Variants in HECW1 observed in about 807,000 individuals in gnomAD.
The protein encoded by HECW1 is E3 ubiquitin-protein ligase HECW1.
In HECW1, 61 loss-of-function variants were observed where a neutral mutation model predicts 182.3. The ratio of observed to expected loss-of-function variants is 0.33; its 90% CI spans 0.27 to 0.41. The LOEUF is 0.41. HECW1 is among the 10% of genes least tolerant of loss of function. The probability of loss-of-function intolerance (pLI) is 1.00; values close to 1 mark genes in which losing one functional copy is unlikely to be tolerated. For synonymous variants in HECW1, 859 were observed against 832.6 expected (o/e 1.03, Z -0.55); for missense variants, 1,739 against 2,108.9 (o/e 0.82, Z 3.44).
In HECW1 at chr7:43,463,789, G is replaced by A. The variant is rs2077668202; in HGVS notation, c.2781G>A (p.Gln927=). 1 of 1,613,946 alleles carries A rather than the reference G, an allele frequency of 6.2e-7. No homozygotes were observed. The highest frequency in any genetic ancestry group is 8.5e-7 in the Non-Finnish European group (1 of 1,179,982). ...GGSDSEAESS[Q]SSLDLRREGS... ...GTGACTCAGAAGCCGAATCTTCCCAGTCCAGCTTAGGTATTGGAGGAGGGG... is the reference window on the plus strand; with the variant it reads ...GTGACTCAGAAGCCGAATCTTCCCAATCCAGCTTAGGTATTGGAGGAGGGG... The change falls in exon 14 of 30, where the codon CAG becomes CAA. Residue 927 remains glutamine (Q), a synonymous_variant. Transcript: ENST00000395891.
At chr7:43,391,792 G>A (rs1359323045) in intron 6 of HECW1, among the ~76,000 whole-genome samples, 1 of 152,174 alleles carries the variant, frequency 6.6e-6, no homozygotes, top group Admixed American at 6.5e-5. Flanking sequence ...TGTAAACGTG[G>A]GTAAGGTGTG....
intron 2 of HECW1, among the ~76,000 whole-genome samples, chr7:43,189,021 G>A (rs367765492): frequency 9.9e-5 from 15 of 152,142 alleles, no homozygotes; most frequent in African/African-American, 1.4e-4. Context: ...AGGGTGAGGC[G>A]CACTCGGCTA....
intron 8 of HECW1, among the ~76,000 whole-genome samples, chr7:43,429,443 A>T (rs2076474857): frequency 1.3e-5 from 2 of 151,424 alleles, no homozygotes; most frequent in Admixed American, 6.6e-5. Flanking sequence ...GGAGGGGCAG[A>T]TCTTCTCCCA....
chr7:43,416,771 G>A (rs563792048), intron 8 of HECW1, among the ~76,000 whole-genome samples: 4 of 147,172 alleles, frequency 2.7e-5, no homozygotes, highest in East Asian at 2.0e-4. Flanking sequence ...CGTAATATTC[G>A]GGTGGGAGTG....
chr7:43,521,205 A>C (rs544109067), intron 24 of HECW1, among the ~76,000 whole-genome samples: 4 of 152,228 alleles, frequency 2.6e-5, no homozygotes, highest in Non-Finnish European at 5.9e-5. Flanking sequence ...GCCTTTAAGA[A>C]GTGATTAAAC....
chr7:43,297,746 A>C (rs1268398268), intron 3 of HECW1, among the ~76,000 whole-genome samples: 1 of 152,176 alleles, frequency 6.6e-6, no homozygotes, highest in African/African-American at 2.4e-5. Flanking sequence ...CAGTGGAGTC[A>C]CTAGAAAACA....
intron 4 of HECW1, among the ~76,000 whole-genome samples, chr7:43,316,383 G>A (rs1179877863): frequency 6.6e-6 from 1 of 152,140 alleles, no homozygotes; most frequent in African/African-American, 2.4e-5. Context: ...GTGTCATAGG[G>A]ATTTGCAATA....
intron 4 of HECW1, 144 bp from the exon 5 acceptor site, chr7:43,320,491 T>A: frequency 1.6e-6 from 1 of 626,918 alleles, no homozygotes; most frequent in Non-Finnish European, 2.8e-6. Context: ...GGGTGCTTCC[T>A]GCTCTCTGAT....
chr7:43,454,789 T>G (rs532117096), intron 12 of HECW1, among the ~76,000 whole-genome samples: 6 of 152,256 alleles, frequency 3.9e-5, no homozygotes, highest in Non-Finnish European at 8.8e-5. Context: ...TGATAAGTTT[T>G]CAATGAAACT....
In HECW1 at chr7:43,507,119, G is replaced by A; in HGVS notation, c.3632-18G>A. The A allele has an allele frequency of 6.2e-7, 1 of 1,610,748 alleles. No individual in the cohort carries two copies. Among genetic ancestry groups the A allele is most frequent in the Non-Finnish European group, 8.5e-7 (1 of 1,178,570 alleles). ...AAGAAGAAAGAAAGTGATGACCTCT[G>A]TGTGCTTCTCTCTGCAGGTTTACAG... On this transcript the variant is annotated intron_variant, in intron 21 of 29. Coordinates refer to ENST00000395891, the MANE Select transcript of HECW1 (RefSeq NM_015052.5).
At chr7:43,526,254 C>G (rs936384075) in intron 24 of HECW1, among the ~76,000 whole-genome samples, 3 of 152,168 alleles carry the variant, frequency 2.0e-5, no homozygotes, top group African/African-American at 4.8e-5. Flanking sequence ...GTGAAAATTA[C>G]AGAATGCTAC....
rs1181439378 is a variant in HECW1 at position 43,445,543 on chromosome 7, G to T, written c.2371G>T (p.Val791Leu). ...AAGCCCGGAAGGTCTGGAATCCCCC[G>T]TGGCAGGTCCAAGCAATCGGAGAGA... ...ERSPEGLESPVAGPSNRREGE... is the reference protein window; with the variant it reads ...ERSPEGLESPLAGPSNRREGE... The change falls in exon 11 of 30, where the codon GTG becomes TTG. Residue 791 changes from valine (V) to leucine (L), a missense_variant. Val to Leu is a conservative substitution (Grantham distance 32). Around this residue, in one of 5 missense-constraint regions of HECW1, gnomAD observed 971 missense variants for 1,029.1 expected, o/e 0.94. Coordinates refer to ENST00000395891, the MANE Select transcript of HECW1 (RefSeq NM_015052.5). 17 of 1,600,694 alleles carry T rather than the reference G, an allele frequency of 1.1e-5. No individual in the cohort carries two copies. The highest frequency in any genetic ancestry group is 1.5e-5 in the Non-Finnish European group (17 of 1,171,096).
Position 43,209,662 on chromosome 7 carries a change from C to T in HECW1, c.-31-34213C>T, listed in dbSNP as rs974212003. On this transcript the variant is annotated intron_variant, in intron 2 of 29. Transcript: ENST00000395891. ...ACAACTGGGTAAGATTTGATGGAGA[C>T]GTACAGATGCGAAGCCTGGAGTATC... Among the ~76,000 whole-genome samples, 10 of 152,200 alleles carry T rather than the reference C, an allele frequency of 6.6e-5. 1 individual carries two copies. In the South Asian group the frequency reaches 1.5e-3, roughly 22 times the overall value.
rs766907754 is a variant in HECW1 at position 43,493,146 on chromosome 7, C to T, written c.3403C>T (p.Arg1135Cys). ...QPNIFEMLQERQPSLARNHTL... is the reference protein window; with the variant it reads ...QPNIFEMLQECQPSLARNHTL... ...AAACATTTTTGAAATGCTGCAAGAG[C>T]GTCAGCCAAGCTTAGCAAGAAACCA... The change falls in exon 19 of 30, where the codon CGT (arginine) becomes TGT (cysteine). Residue 1135 changes from arginine (R) to cysteine (C), a missense_variant. Arg to Cys is a radical substitution (Grantham distance 180, BLOSUM62 -3). Around this residue, in one of 5 missense-constraint regions of HECW1, gnomAD observed 971 missense variants for 1,029.1 expected, o/e 0.94. Coordinates refer to ENST00000395891, the MANE Select transcript of HECW1 (RefSeq NM_015052.5). 1.7e-5 allele frequency: 27 copies of T among 1,613,452 alleles called. No homozygotes were observed. The highest frequency in any genetic ancestry group is 5.0e-5 in the Admixed American group (3 of 59,942).
chr7:43,165,604 C>A (rs1424751068), intron 2 of HECW1, among the ~76,000 whole-genome samples: 1 of 152,170 alleles, frequency 6.6e-6, no homozygotes, highest in Non-Finnish European at 1.5e-5. Context: ...CACAACTCTC[C>A]TATGCAGAGT....
intron 24 of HECW1, among the ~76,000 whole-genome samples, chr7:43,536,016 A>G (rs4724214): frequency 0.055 from 8,320 of 152,218 alleles, 568 homozygotes; most frequent in African/African-American, 0.15. Flanking sequence ...CAAACCACAG[A>G]GTTGTGGTTT....
Position 43,466,478 on chromosome 7 carries a change from G to A in HECW1, c.2823G>A (p.Val941=). The change falls in exon 15 of 30, where the codon GTG becomes GTA. Residue 941 remains valine, a synonymous_variant. Coordinates refer to ENST00000395891, the MANE Select transcript of HECW1 (RefSeq NM_015052.5). ...GGAGAGAAGGGTCACTTTCTCCAGT[G>A]AACTCACAAAAAATCACCTTGCTGC... ...DLRREGSLSP[V]NSQKITLLLQ... 6.2e-7 allele frequency: 1 copy of A among 1,613,800 alleles called. No homozygotes were observed. Among genetic ancestry groups the A allele is most frequent in the Non-Finnish European group, 8.5e-7 (1 of 1,179,812 alleles).
intron 1 of HECW1, among the ~76,000 whole-genome samples, chr7:43,113,180 G>A (rs1043181987): frequency 6.6e-6 from 1 of 152,276 alleles, no homozygotes; most frequent in East Asian, 1.9e-4. Context: ...AGGCGCACCC[G>A]GCCCTCCTGC....
chr7:43,136,613 G>A (rs561312448), intron 2 of HECW1, among the ~76,000 whole-genome samples: 1 of 152,326 alleles, frequency 6.6e-6, no homozygotes, highest in East Asian at 1.9e-4. Flanking sequence ...TGTGGCCTCA[G>A]CCTCATATCT....
Sources: allele counts gnomAD v4.1 joint callset (sites outside exome capture counted in the v4.1 genomes callset), GRCh38; gene constraint gnomAD v4.1.1; regional missense constraint gnomAD v4.1.1; transcripts MANE v1.5; gene names NCBI Gene and HGNC (gene_info 2026-07-23, HGNC 2026-07-21).